The following PDE1C variants were observed in gnomAD, a reference collection of about 807,000 sequenced individuals.
The protein encoded by PDE1C is dual specificity calcium/calmodulin-dependent 3',5'-cyclic nucleotide phosphodiesterase 1C.
In PDE1C, 62 loss-of-function variants were observed where a neutral mutation model predicts 93.1. That is an observed-to-expected ratio of 0.67 (90% CI 0.54 to 0.82). The LOEUF (loss-of-function observed/expected upper bound fraction) is 0.82, where lower values mean the gene tolerates loss of function less well. Ranked by LOEUF, PDE1C falls within the 40% of genes least tolerant of loss-of-function variation. The pLI, the probability that PDE1C is intolerant of heterozygous loss-of-function variation, is 0.00. For missense variants in PDE1C, 742 were observed against 884.6 expected, an observed-to-expected ratio of 0.84 and a Z score of 2.04; for synonymous variants, 325 against 310.1, an observed-to-expected ratio of 1.05 and a Z score of -0.50.
intron 1 of PDE1C, among the ~76,000 whole-genome samples, chr7:32,420,120 T>TAC (rs1302998543): frequency 0.042 from 962 of 23,088 alleles, 114 homozygotes; most frequent in Non-Finnish European, 0.074. Flanking sequence ...TATATATATA[T>TAC]ATATACACAC....
intron 1 of PDE1C, among the ~76,000 whole-genome samples, chr7:32,249,209 C>G (rs897310411): frequency 2.0e-5 from 3 of 151,922 alleles, no homozygotes; most frequent in African/African-American, 7.3e-5. Flanking sequence ...AATTCCTTTC[C>G]AAGATTCTAA....
intron 1 of PDE1C, among the ~76,000 whole-genome samples, chr7:32,314,045 T>C (rs1342704930): frequency 6.6e-6 from 1 of 151,754 alleles, no homozygotes; most frequent in Non-Finnish European, 1.5e-5. Flanking sequence ...TAAAAGTAAA[T>C]GAGAAATGAA....
At chr7:31,756,659 T>A (rs1274436490) in intron 17 of PDE1C, among the ~76,000 whole-genome samples, 1 of 152,160 alleles carries the variant, frequency 6.6e-6, no homozygotes, top group Non-Finnish European at 1.5e-5. Context: ...AAAATACTCA[T>A]TGACTTTTCC....
At chr7:31,829,886 G>C (rs1341309053) in intron 11 of PDE1C, among the ~76,000 whole-genome samples, 3 of 150,384 alleles carry the variant, frequency 2.0e-5, no homozygotes, top group Non-Finnish European at 4.5e-5. Context: ...TGGTGGGATA[G>C]TTCAGCTAAA....
the PDE1C span, among the ~76,000 whole-genome samples, chr7:31,734,790 T>G: frequency 1.3e-5 from 2 of 152,186 alleles, no homozygotes; most frequent in African/African-American, 4.8e-5. Flanking sequence ...AAAAAAAAAT[T>G]TCTTCTTTAT....
At chr7:32,065,157 C>T (rs1167355476) in intron 1 of PDE1C, among the ~76,000 whole-genome samples, 1 of 152,098 alleles carries the variant, frequency 6.6e-6, no homozygotes, top group Non-Finnish European at 1.5e-5. Context: ...ATACTCTCTC[C>T]TTAGGGAATT....
intron 1 of PDE1C, among the ~76,000 whole-genome samples, chr7:32,057,931 T>C (rs1199387047): frequency 1.3e-5 from 2 of 152,222 alleles, no homozygotes; most frequent in African/African-American, 2.4e-5. Context: ...ATGAAGCGCC[T>C]GGCAGTCTTT....
intron 14 of PDE1C, among the ~76,000 whole-genome samples, chr7:31,816,705 A>G (rs1014913357): frequency 2.0e-5 from 3 of 152,198 alleles, no homozygotes; most frequent in Non-Finnish European, 4.4e-5. Context: ...ATCCAACACT[A>G]GAGCAATTGA....
intron 1 of PDE1C, among the ~76,000 whole-genome samples, chr7:32,370,000 T>A (rs1041760921): frequency 6.6e-6 from 1 of 152,228 alleles, no homozygotes; most frequent in African/African-American, 2.4e-5. Context: ...CAAAGGATTA[T>A]AAATCATGCT....
intron 1 of PDE1C, among the ~76,000 whole-genome samples, chr7:32,332,417 C>T (rs1410762581): frequency 6.6e-6 from 1 of 151,954 alleles, no homozygotes; most frequent in East Asian, 1.9e-4. Context: ...ATAACCCTCT[C>T]ATACATTATT....
At chr7:32,153,979 C>T (rs945125118) in intron 3 of PDE1C, among the ~76,000 whole-genome samples, 2 of 152,196 alleles carry the variant, frequency 1.3e-5, no homozygotes, top group African/African-American at 2.4e-5. Context: ...TACGGCCAGG[C>T]GCAATGGCTT....
intron 1 of PDE1C, among the ~76,000 whole-genome samples, chr7:32,268,773 C>G (rs1319537510): frequency 5.3e-5 from 8 of 152,094 alleles, no homozygotes; most frequent in Admixed American, 5.2e-4. Context: ...AAAAATATGC[C>G]TCTTTTCACT....
chr7:31,744,249 T>C, the PDE1C span, among the ~76,000 whole-genome samples: 4 of 152,066 alleles, frequency 2.6e-5, no homozygotes, highest in Non-Finnish European at 5.9e-5. Context: ...TTAAGGTTTC[T>C]TTATGTAGAC....
chr7:31,940,212 C>T (rs1162809674), intron 2 of PDE1C, among the ~76,000 whole-genome samples: 1 of 152,158 alleles, frequency 6.6e-6, no homozygotes, highest in East Asian at 1.9e-4. Flanking sequence ...CCAGGCTTTT[C>T]CTATTGTGCC....
At chr7:32,085,632 G>A (rs1207957902) in intron 3 of PDE1C, among the ~76,000 whole-genome samples, 2 of 147,010 alleles carry the variant, frequency 1.4e-5, no homozygotes, top group Non-Finnish European at 3.0e-5. Flanking sequence ...GAATCCAGCA[G>A]CACATCAAAA....
chr7:32,355,461 C>T (rs565980375), intron 1 of PDE1C, among the ~76,000 whole-genome samples: 17 of 152,338 alleles, frequency 1.1e-4, no homozygotes, highest in Admixed American at 3.9e-4. Context: ...GCACACACTC[C>T]TTGGAGTGTT....
At chr7:31,695,723 T>A in the PDE1C span, 2 of 1,235,074 alleles carry the variant, frequency 1.6e-6, no homozygotes, top group Non-Finnish European at 2.3e-6. Flanking sequence ...TATTTTAAAG[T>A]AATTTGTGCA....
intron 11 of PDE1C, among the ~76,000 whole-genome samples, chr7:31,831,015 T>C (rs971746789): frequency 6.6e-6 from 1 of 152,166 alleles, no homozygotes; most frequent in African/African-American, 2.4e-5. Flanking sequence ...TCCATCTGTA[T>C]TGGAAGTTCA....
At chr7:31,775,608 C>T in intron 17 of PDE1C, 56 bp downstream of exon 17, 1 of 1,434,236 alleles carries the variant, frequency 7.0e-7, no homozygotes, top group Non-Finnish European at 9.8e-7. Context: ...CCCGAGAAAC[C>T]AGGCCTTTCC....
Sources: gnomAD v4.1 joint callset for allele counts (sites outside exome capture counted in the v4.1 genomes callset) on GRCh38, gnomAD v4.1.1 for gene constraint, MANE v1.5 for transcripts, NCBI Gene and HGNC (gene_info 2026-07-23, HGNC 2026-07-21) for gene names.